Variants in FAM107B observed in about 807,000 individuals in gnomAD.
FAM107B encodes the protein family with sequence similarity 107 member B.
In FAM107B, 21 loss-of-function variants were observed where a neutral mutation model predicts 31.5. That is an observed-to-expected ratio of 0.67 (90% confidence interval 0.47 to 0.96). The LOEUF (loss-of-function observed/expected upper bound fraction) is 0.96. Among genes scored for constraint, FAM107B ranks in the 40% least tolerant of loss-of-function variants. The pLI is 0.00. For synonymous variants in FAM107B, 157 were observed against 141.5 expected (o/e 1.11, Z -0.78); for missense variants, 452 against 377.1 (o/e 1.20, Z -1.64).
At chr10:14,603,409 A>G (rs1852469266) in intron 2 of FAM107B, among the ~76,000 whole-genome samples, 1 of 152,224 alleles carries the variant, frequency 6.6e-6, no homozygotes. Context: ...CCTATCAAGT[A>G]ACTTTGCTCC....
At chr10:14,647,933 G>A (rs879113221) in intron 2 of FAM107B, among the ~76,000 whole-genome samples, 1 of 151,610 alleles carries the variant, frequency 6.6e-6, no homozygotes, top group Admixed American at 6.6e-5. Flanking sequence ...ACACAGTTAA[G>A]GAAGGCAGAA....
chr10:14,574,435 G>A (rs1267433430), intron 2 of FAM107B, among the ~76,000 whole-genome samples: 2 of 152,164 alleles, frequency 1.3e-5, no homozygotes, highest in Admixed American at 1.3e-4. Context: ...ACAGCATTTG[G>A]GAAACACTGC....
At chr10:14,577,391 C>T (rs1851498520) in intron 2 of FAM107B, among the ~76,000 whole-genome samples, 1 of 152,176 alleles carries the variant, frequency 6.6e-6, no homozygotes, top group Admixed American at 6.5e-5. Flanking sequence ...GTTTCTCTGT[C>T]AAACTCTTCC....
intron 1 of FAM107B, among the ~76,000 whole-genome samples, chr10:14,680,722 T>G (rs957164201): frequency 3.3e-5 from 5 of 152,116 alleles, no homozygotes; most frequent in African/African-American, 1.2e-4. Flanking sequence ...GAATTAGACA[T>G]GAGGGAGTAA....
Position 14,532,069 on chromosome 10 carries a change from C to T in FAM107B, c.470-1554G>A, listed in dbSNP as rs117613211. ...GGTCCTTTACTGCTAATCCTTCAGCCTCAGCAAATCAATCTATGCTACAAA... is the reference window on the plus strand; with the variant it reads ...GGTCCTTTACTGCTAATCCTTCAGCTTCAGCAAATCAATCTATGCTACAAA... On this transcript the variant is annotated intron_variant, in intron 2 of 4. Transcript: ENST00000181796. 6.9e-3 allele frequency among the ~76,000 whole-genome samples: 1,051 copies of T among 152,328 alleles called. 10 individuals carry two copies. The highest frequency in any genetic ancestry group is 0.022 in the South Asian group (105 of 4,822).
At chr10:14,730,038 G>C (rs961465263) in intron 1 of FAM107B, among the ~76,000 whole-genome samples, 3 of 152,200 alleles carry the variant, frequency 2.0e-5, no homozygotes, top group African/African-American at 7.2e-5. Flanking sequence ...AGGCCTGTTG[G>C]GGGGTTGGGG....
intron 2 of FAM107B, among the ~76,000 whole-genome samples, chr10:14,666,689 G>A (rs1854412085): frequency 6.6e-6 from 1 of 152,190 alleles, no homozygotes; most frequent in Non-Finnish European, 1.5e-5. Context: ...TCTGCAAGGG[G>A]ACAGTGTCTC....
intron 1 of FAM107B, among the ~76,000 whole-genome samples, chr10:14,740,475 A>G (rs1257503332): frequency 6.6e-6 from 1 of 152,254 alleles, no homozygotes; most frequent in Non-Finnish European, 1.5e-5. Flanking sequence ...TAGGTGGAGA[A>G]CAGAGATTTT....
At position 14,708,893 on chromosome 10, in the gene FAM107B, TA is replaced by T. The variant is rs1376524232; in HGVS notation, c.412-41203del. The stretch of plus-strand genomic sequence containing the variant: ...TTAGCATATGAAAAGATGCTCAATA[TA>T]GATGTCATTAGGGAATTGCAGATTA... On this transcript the variant is annotated intron_variant, in intron 1 of 4. Transcript: ENST00000181796. Among the ~76,000 whole-genome samples the T allele has an allele frequency of 5.0e-5, 4 of 79,970 alleles. No homozygotes were observed. The East Asian group carries it at 7.6e-4, about 15-fold the overall frequency. The allele number at this position is 79,970 out of a possible 152,430, so 52.5% of individuals were successfully genotyped here. A position where few individuals can be genotyped will look rare whatever the true frequency, so the allele number is the denominator to read the frequency against.
At chr10:14,610,106 G>A (rs1454239240) in intron 2 of FAM107B, among the ~76,000 whole-genome samples, 1 of 152,214 alleles carries the variant, frequency 6.6e-6, no homozygotes, top group Non-Finnish European at 1.5e-5. Context: ...CACTTCCGGA[G>A]GCCGAGGCGG....
intron 2 of FAM107B, among the ~76,000 whole-genome samples, chr10:14,619,837 T>C (rs1852958835): frequency 1.3e-5 from 2 of 151,904 alleles, no homozygotes; most frequent in African/African-American, 4.8e-5. Flanking sequence ...CAAATTAATA[T>C]TTTCATATGG....
chr10:14,619,021 G>A (rs1185530416), intron 2 of FAM107B, among the ~76,000 whole-genome samples: 1 of 152,096 alleles, frequency 6.6e-6, no homozygotes, highest in East Asian at 1.9e-4. Context: ...GCTAAAGGGT[G>A]CCAAGGATTG....
At chr10:14,668,272 T>C (rs1419688917) in intron 1 of FAM107B, among the ~76,000 whole-genome samples, 3 of 152,158 alleles carry the variant, frequency 2.0e-5, no homozygotes, top group Non-Finnish European at 4.4e-5. Flanking sequence ...CTCGATCTCC[T>C]GACCTCATGA....
chr10:14,701,648 A>C (rs889767650), intron 1 of FAM107B, among the ~76,000 whole-genome samples: 2 of 152,152 alleles, frequency 1.3e-5, no homozygotes, highest in South Asian at 2.1e-4. Flanking sequence ...TCATCTCCCA[A>C]CATCATCTTG....
intron 2 of FAM107B, among the ~76,000 whole-genome samples, chr10:14,660,737 A>C (rs1854212459): frequency 6.6e-6 from 1 of 152,244 alleles, no homozygotes; most frequent in African/African-American, 2.4e-5. Context: ...ATTTGGTGGA[A>C]TAAGAAGAGA....
At chr10:14,685,175 T>C in intron 1 of FAM107B, among the ~76,000 whole-genome samples, 1 of 145,204 alleles carries the variant, frequency 6.9e-6, no homozygotes. Context: ...TTGAGACAGG[T>C]TCTTGCTCTG....
At chr10:14,704,301 T>TGTGTGTGTGTGTG (rs1855473005) in intron 1 of FAM107B, among the ~76,000 whole-genome samples, 1 of 77,886 alleles carries the variant, frequency 1.3e-5, no homozygotes, top group Non-Finnish European at 2.9e-5. Flanking sequence ...GTGTGTGTGT[T>TGTGTGTGTGTGTG]AGTATGTATC....
intron 1 of FAM107B, among the ~76,000 whole-genome samples, chr10:14,769,929 A>G (rs74124708): frequency 0.041 from 6,276 of 152,218 alleles, 389 homozygotes; most frequent in African/African-American, 0.14. Context: ...GCACCATTCA[A>G]CTTGGCTGGG....
intron 1 of FAM107B, among the ~76,000 whole-genome samples, chr10:14,774,018 T>C (rs754668947): frequency 6.6e-6 from 1 of 152,250 alleles, no homozygotes; most frequent in Non-Finnish European, 1.5e-5. Flanking sequence ...TAATTCAAGG[T>C]TACCTTCGGT....
Sources: allele counts gnomAD v4.1 joint callset (sites outside exome capture counted in the v4.1 genomes callset), GRCh38; gene constraint gnomAD v4.1.1; transcripts MANE v1.5; gene names NCBI Gene and HGNC (gene_info 2026-07-23, HGNC 2026-07-21).